ISL2: variants seen among roughly 807,000 people sequenced by gnomAD.
The protein encoded by ISL2 is ISL LIM homeobox 2, also known as insulin gene enhancer protein ISL-2.
A neutral mutation model predicts 34.6 loss-of-function variants in ISL2; 17 were observed. The ratio of observed to expected loss-of-function variants is 0.49; its 90% CI spans 0.34 to 0.74. The LOEUF (loss-of-function observed/expected upper bound fraction) is 0.74, where lower values mean the gene tolerates loss of function less well. ISL2 is among the 30% of genes least tolerant of loss of function. ISL2 has a pLI of 0.01. For missense variants in ISL2, 469 were observed against 515.2 expected, an observed-to-expected ratio of 0.91 and a Z score of 0.87; for synonymous variants, 232 against 225.5, an observed-to-expected ratio of 1.03 and a Z score of -0.26.
At chr15:76,339,277 C>CCCCTCTCTGGATCTTCA (rs1411394687) in intron 3 of ISL2, 2 of 984,632 alleles carry the variant, frequency 2.0e-6, no homozygotes, top group Non-Finnish European at 2.4e-6. Context: ...CCCCGCTCCT[C>CCCCTCTCTGGATCTTCA]CCCTCTCTGG....
intron 3 of ISL2, chr15:76,338,759 C>G: frequency 3.0e-6 from 3 of 985,386 alleles, no homozygotes; most frequent in South Asian, 9.4e-5. Flanking sequence ...ATCGTGTTCT[C>G]CATGACCAGG....
rs775407355 is a variant in ISL2, at chr15:76,341,870, A to C, written c.*35A>C. On this transcript the variant is annotated 3_prime_UTR_variant, in exon 6 of 6. Coordinates refer to ENST00000290759, the MANE Select transcript of ISL2 (RefSeq NM_145805.3). The stretch of plus-strand genomic sequence containing the variant: ...CTCCCTGCCAGCCCGCGGACCTCGC[A>C]TGCTCCCTGCATGAGACTCACCCAT... 5.7e-6 allele frequency: 8 copies of C among 1,391,340 alleles called. No homozygotes were observed. The highest frequency in any genetic ancestry group is 1.8e-4 in the Middle Eastern group (1 of 5,670). The allele number at this position is 1,391,340 out of a possible 1,614,324, so 86.2% of individuals were successfully genotyped here.
intron 3 of ISL2, 171 bp from the exon 4 acceptor site, chr15:76,340,103 GCT>G: frequency 7.0e-7 from 1 of 1,419,660 alleles, no homozygotes; most frequent in Non-Finnish European, 9.2e-7. Context: ...AAAATGCACA[GCT>G]CTCTCCGAGT....
At chr15:76,341,407 G>T in intron 5 of ISL2, 106 bp downstream of exon 5, 2 of 1,091,384 alleles carry the variant, frequency 1.8e-6, no homozygotes, top group Non-Finnish European at 1.3e-6. Context: ...TGAGGGGCTG[G>T]GTACAGCCCT....
chr15:76,340,171 C>T (rs896674854), intron 3 of ISL2, 105 bp from the exon 4 acceptor site: 11 of 1,437,422 alleles, frequency 7.7e-6, no homozygotes, highest in Non-Finnish European at 1.0e-5. Context: ...CAGAATAAAA[C>T]AGAAACGAAA....
intron 3 of ISL2, chr15:76,339,298 C>G: frequency 1.0e-6 from 1 of 983,612 alleles, no homozygotes; most frequent in Non-Finnish European, 1.2e-6. Context: ...ATCTTCACTT[C>G]CTCCCTATAG....
intron 4 of ISL2, among the ~76,000 whole-genome samples, chr15:76,340,783 G>A (rs1365719270): frequency 1.3e-5 from 2 of 152,258 alleles, no homozygotes; most frequent in African/African-American, 4.8e-5. Context: ...CCCGCGTTGC[G>A]GGTTCCGGGC....
chr15:76,340,047 A>G (rs1338436154), intron 3 of ISL2: 1 of 1,356,128 alleles, frequency 7.4e-7, no homozygotes, highest in African/African-American at 1.5e-5. Context: ...TGAGCTCGGG[A>G]GAGATCGCTG....
intron 5 of ISL2, 28 bp from the exon 6 acceptor site, chr15:76,341,691 C>T: frequency 6.6e-7 from 1 of 1,516,684 alleles, no homozygotes; most frequent in Non-Finnish European, 9.2e-7. Flanking sequence ...TCTTCACCTG[C>T]CTCTTCCCGG....
At position 76,340,287 on chromosome 15, in the gene ISL2, G is replaced by A. The variant is rs763880132; in HGVS notation, c.523G>A (p.Gly175Ser). 4.4e-6 allele frequency: 7 copies of A among 1,604,534 alleles called. No homozygotes were observed. The Admixed American group carries it at 1.0e-4, about 23-fold the overall frequency. ...CCCTGTCCTGGCAGACGCTGGGTCGGGCCGGCAGCCCGCGTTGCGCCCGCA... is the reference window on the plus strand; with the variant it reads ...CCCTGTCCTGGCAGACGCTGGGTCGAGCCGGCAGCCCGCGTTGCGCCCGCA... ...RGLHLPDAGS[G>S]RQPALRPHVH... is the part of the protein sequence containing the mutation. The change falls in exon 4 of 6, where the codon GGC becomes AGC. Residue 175 changes from glycine (G) to serine (S), a missense_variant. Coordinates refer to ENST00000290759, the MANE Select transcript of ISL2 (RefSeq NM_145805.3).
intron 2 of ISL2, 31 bp from the exon 3 acceptor site, chr15:76,338,221 G>C (rs1195897284): frequency 6.6e-7 from 1 of 1,524,922 alleles, no homozygotes; most frequent in South Asian, 1.2e-5. Flanking sequence ...CGCAGGCCCA[G>C]CGCTGACACC....
Position 76,341,148 on chromosome 15 carries a change from G to C in ISL2, c.810G>C (p.Leu270=), listed in dbSNP as rs775367576. The change falls in exon 5 of 6, where the codon CTG becomes CTC. Residue 270 remains leucine (L), a synonymous_variant. Coordinates refer to ENST00000290759, the MANE Select transcript of ISL2 (RefSeq NM_145805.3). ...TTGCCCCGCAGAGCCTTCAGGGACT[G>C]ACTGGGACGCCCCTGGTGGCGGGCA... ...QHSDKTSLQG[L]TGTPLVAGSP... 6.2e-7 allele frequency: 1 copy of C among 1,608,344 alleles called. No individual in the cohort carries two copies. Among genetic ancestry groups the C allele is most frequent in the Non-Finnish European group, 8.5e-7 (1 of 1,177,682 alleles).
rs2040190804 is a variant in ISL2 at position 76,341,212 on chromosome 15, G to A, written c.874G>A (p.Val292Met). 11 of 1,612,530 alleles carry A rather than the reference G, an allele frequency of 6.8e-6. No individual in the cohort carries two copies. Among genetic ancestry groups the A allele is most frequent in the African/African-American group, 1.3e-5 (1 of 75,068 alleles). Residue 292 changes from valine (V) to methionine (M), a missense_variant, in exon 5 of 6, where the codon GTG becomes ATG. Coordinates refer to ENST00000290759, the MANE Select transcript of ISL2 (RefSeq NM_145805.3). ...RHENAVQGSA[V>M]EVQTYQPPWK... ...TGAGAACGCCGTGCAGGGCAGCGCA[G>A]TGGAGGTGCAGACGTACCAGCCGCC...
Position 76,337,818 on chromosome 15 carries a change from G to A in ISL2, c.99G>A (p.Gln33=), listed in dbSNP as rs2040162741. 1 of 1,610,430 alleles carries A rather than the reference G, an allele frequency of 6.2e-7. No homozygotes were observed. Among genetic ancestry groups the A allele is most frequent in the Non-Finnish European group, 8.5e-7 (1 of 1,178,274 alleles). Residue 33 remains glutamine, a synonymous_variant, in exon 2 of 6, where the codon CAG becomes CAA. Transcript: ENST00000290759. ...CCATGTGCGTGGGCTGCGGGAGTCA[G>A]ATCCACGACCAGTTTATCCTGCGGG... ...GTAMCVGCGS[Q]IHDQFILRVS...
chr15:76,341,652 C>T (rs77613271), intron 5 of ISL2, 67 bp from the exon 6 acceptor site: 4 of 1,210,314 alleles, frequency 3.3e-6, no homozygotes, highest in African/African-American at 1.5e-5. Flanking sequence ...ACTCGGAGCA[C>T]GCGGCCCTGG....
chr15:76,336,946 G>A lies in ISL2; in HGVS notation c.58+5G>A. 1.2e-6 allele frequency: 2 copies of A among 1,607,664 alleles called. No homozygotes were observed. The highest frequency in any genetic ancestry group is 2.2e-5 in the East Asian group (1 of 44,850). On this transcript the variant is annotated splice_donor_5th_base_variant and intron_variant, in intron 1 of 5. Transcript: ENST00000290759. ...CTATGGGTGATCATTCCAAGAGTAA[G>A]TATTTCTGTGTGTGTGTGGGGTGGG...
At chr15:76,339,293 C>T (rs2040175337) in intron 3 of ISL2, 1 of 983,172 alleles carries the variant, frequency 1.0e-6, no homozygotes, top group Non-Finnish European at 1.2e-6. Context: ...TCTGGATCTT[C>T]ACTTCCTCCC....
rs1258494114 is a variant in ISL2, at chr15:76,337,809, C to A, written c.90C>A (p.Cys30Ter). The change falls in exon 2 of 6, where the codon TGC becomes TGA. Residue 30 changes from cysteine (C) to a stop codon, truncating the protein, a stop_gained. Coordinates refer to ENST00000290759, the MANE Select transcript of ISL2 (RefSeq NM_145805.3). LOFTEE classifies it high-confidence loss of function. The part of the protein sequence containing the change: ...KKPGTAMCVG[C>*]GSQIHDQFIL... The stretch of plus-strand genomic sequence containing the variant: ...CCGGGACGGCCATGTGCGTGGGCTG[C>A]GGGAGTCAGATCCACGACCAGTTTA... 6.2e-7 allele frequency: 1 copy of A among 1,606,846 alleles called. No individual in the cohort carries two copies. Among genetic ancestry groups the A allele is most frequent in the Non-Finnish European group, 8.5e-7 (1 of 1,176,418 alleles).
In ISL2 at chr15:76,341,928, G is replaced by A. The variant is rs1446607430; in HGVS notation, c.*93G>A. The A allele has an allele frequency of 3.6e-6, 3 of 826,598 alleles. No homozygotes were observed. Among genetic ancestry groups the A allele is most frequent in the Non-Finnish European group, 4.2e-6 (2 of 480,144 alleles). The allele number at this position is 826,598 out of a possible 1,614,324, so 51.2% of individuals were successfully genotyped here. A position where few individuals can be genotyped will look rare whatever the true frequency, so the allele number is the denominator to read the frequency against. On this transcript the variant is annotated 3_prime_UTR_variant, in exon 6 of 6. Transcript: ENST00000290759. ...CCATTCCAGTTCCGAAAGCTCTCTCGCCTTCGTAATTATTCTATTGTTATT... is the reference window on the plus strand; with the variant it reads ...CCATTCCAGTTCCGAAAGCTCTCTCACCTTCGTAATTATTCTATTGTTATT...
Sources: gnomAD v4.1 joint callset for allele counts (sites outside exome capture counted in the v4.1 genomes callset) on GRCh38, gnomAD v4.1.1 for gene constraint, MANE v1.5 for transcripts, NCBI Gene and HGNC (gene_info 2026-07-23, HGNC 2026-07-21) for gene names.